The following ARHGAP8 variants were observed in gnomAD, a reference collection of about 807,000 sequenced individuals.
ARHGAP8 encodes the protein rho GTPase-activating protein 8.
ARHGAP8 carries 62 observed loss-of-function variants against 46.1 expected under a neutral mutation model. The observed-to-expected ratio is 1.34, with a 90% CI of 1.10 to 1.66. The LOEUF is 1.66. Among genes scored for constraint, ARHGAP8 ranks in the 40% most tolerant of loss-of-function variants. ARHGAP8 has a pLI of 0.00. For synonymous variants in ARHGAP8, 375 were observed against 243.1 expected, an observed-to-expected ratio of 1.54 and a Z score of -5.05; for missense variants, 923 against 568.4, an observed-to-expected ratio of 1.62 and a Z score of -6.34.
chr22:44,787,037 C>CAAAAAAAAAAAA (rs57241720), intron 2 of ARHGAP8, among the ~76,000 whole-genome samples: 4 of 119,126 alleles, frequency 3.4e-5, no homozygotes, highest in Admixed American at 9.7e-5. Context: ...CTCAAAAAAA[C>CAAAAAAAAAAAA]AAAAAAAAAA....
chr22:44,855,019 AAAGAATGTT>A (rs1319592773), intron 10 of ARHGAP8, among the ~76,000 whole-genome samples: 3 of 150,084 alleles, frequency 2.0e-5, no homozygotes, highest in African/African-American at 7.6e-5. Context: ...AAGAACTTGA[AAAGAATGTT>A]TGGCTTAGTT....
chr22:44,859,179 A>G (rs775361720), intron 10 of ARHGAP8, among the ~76,000 whole-genome samples: 10 of 152,202 alleles, frequency 6.6e-5, no homozygotes, highest in Non-Finnish European at 1.5e-4. Context: ...TGTAGAATTC[A>G]GGTGATGATA....
At chr22:44,830,713 A>G (rs1930887185) in intron 7 of ARHGAP8, among the ~76,000 whole-genome samples, 1 of 151,526 alleles carries the variant, frequency 6.6e-6, no homozygotes, top group Admixed American at 6.6e-5. Context: ...ATTTTTTTGT[A>G]TTTTTAATAG....
intron 2 of ARHGAP8, among the ~76,000 whole-genome samples, chr22:44,792,184 G>A (rs1486941733): frequency 6.6e-5 from 10 of 152,022 alleles, no homozygotes; most frequent in Non-Finnish European, 1.3e-4. Flanking sequence ...GCTAATTTTT[G>A]TATTTTTAGT....
chr22:44,772,905 A>G (rs1460648860), intron 1 of ARHGAP8, among the ~76,000 whole-genome samples: 7 of 145,062 alleles, frequency 4.8e-5, no homozygotes, highest in African/African-American at 1.5e-4. Context: ...TGCAGCCCTG[A>G]CCTCCTGGGT....
intron 1 of ARHGAP8, among the ~76,000 whole-genome samples, chr22:44,755,482 C>T (rs1295865198): frequency 6.6e-6 from 1 of 152,232 alleles, no homozygotes; most frequent in African/African-American, 2.4e-5. Flanking sequence ...GAAGATGCAT[C>T]ACGTGTGTCC....
At chr22:44,819,123 C>T (rs1929953672) in intron 5 of ARHGAP8, among the ~76,000 whole-genome samples, 1 of 152,182 alleles carries the variant, frequency 6.6e-6, no homozygotes, top group Non-Finnish European at 1.5e-5. Flanking sequence ...GGCTGGAGTG[C>T]AGTGGTGCCA....
intron 2 of ARHGAP8, 80 bp downstream of exon 2, chr22:44,786,686 G>T (rs961923844): frequency 1.3e-6 from 2 of 1,512,042 alleles, no homozygotes; most frequent in African/African-American, 2.8e-5. Context: ...AAGTGGGCTC[G>T]TCAGGGGCTG....
At chr22:44,754,793 G>C (rs375816852) in intron 1 of ARHGAP8, among the ~76,000 whole-genome samples, 4 of 152,130 alleles carry the variant, frequency 2.6e-5, no homozygotes, top group African/African-American at 9.7e-5. Flanking sequence ...TTCGGTTAAA[G>C]AGACGAGAGC....
chr22:44,752,870 C>CA (rs1359613016), intron 1 of ARHGAP8: 1 of 152,238 alleles, frequency 6.6e-6, no homozygotes, highest in Non-Finnish European at 1.5e-5. Context: ...CCCGCCCCCC[C>CA]ACACTCCCCT....
chr22:44,849,084 G>A (rs2147167837), intron 10 of ARHGAP8, 24 bp downstream of exon 10: 1 of 1,612,908 alleles, frequency 6.2e-7, no homozygotes, highest in Non-Finnish European at 8.5e-7. Context: ...CTGGCGCAGG[G>A]GTGGGGGGCT....
chr22:44,768,466 A>ATT (rs58497118), intron 1 of ARHGAP8, among the ~76,000 whole-genome samples: 11 of 141,028 alleles, frequency 7.8e-5, no homozygotes, highest in African/African-American at 2.6e-4. Context: ...CACTTGGCTA[A>ATT]TTTTTTTTTT....
chr22:44,806,624 G>A (rs199996019), intron 3 of ARHGAP8, among the ~76,000 whole-genome samples: 1 of 152,112 alleles, frequency 6.6e-6, no homozygotes, highest in East Asian at 1.9e-4. Flanking sequence ...CAGGTGGTAT[G>A]GGCTTTTGTC....
chr22:44,799,474 G>A (rs2147074474), intron 2 of ARHGAP8, among the ~76,000 whole-genome samples: 1 of 152,278 alleles, frequency 6.6e-6, no homozygotes, highest in Non-Finnish European at 1.5e-5. Flanking sequence ...AGCATTCCAG[G>A]TGGAAGCTCA....
At chr22:44,774,016 T>C (rs1255185405) in intron 1 of ARHGAP8, among the ~76,000 whole-genome samples, 1 of 152,222 alleles carries the variant, frequency 6.6e-6, no homozygotes, top group Non-Finnish European at 1.5e-5. Flanking sequence ...ATATTCTCTC[T>C]ATGAGGAAGG....
intron 1 of ARHGAP8, among the ~76,000 whole-genome samples, chr22:44,777,998 TTTTA>T (rs59802896): frequency 0.41 from 58,469 of 143,558 alleles, 12,058 homozygotes; most frequent in South Asian, 0.52. Flanking sequence ...GCCTGGACTA[TTTTA>T]TTTATTTATT....
At chr22:44,766,559 C>T (rs772088140) in intron 1 of ARHGAP8, among the ~76,000 whole-genome samples, 7 of 151,652 alleles carry the variant, frequency 4.6e-5, no homozygotes, top group Admixed American at 1.3e-4. Flanking sequence ...TGTGGGCATG[C>T]GTGTCTGGGT....
intron 7 of ARHGAP8, among the ~76,000 whole-genome samples, chr22:44,834,465 AACTT>A (rs1190583733): frequency 2.6e-5 from 4 of 152,146 alleles, no homozygotes; most frequent in African/African-American, 7.2e-5. Context: ...ATAATTAGAT[AACTT>A]ACTTTGTATG....
intron 7 of ARHGAP8, among the ~76,000 whole-genome samples, chr22:44,832,917 G>A (rs1040220542): frequency 3.3e-5 from 5 of 151,920 alleles, no homozygotes; most frequent in East Asian, 1.9e-4. Context: ...ACTTGAGGCC[G>A]GGAGTTCAAG....
Sources: allele counts gnomAD v4.1 joint callset (sites outside exome capture counted in the v4.1 genomes callset), GRCh38; gene constraint gnomAD v4.1.1; transcripts MANE v1.5; gene names NCBI Gene and HGNC (gene_info 2026-07-23, HGNC 2026-07-21).